C5orf46: variants seen among roughly 807,000 people sequenced by gnomAD.
C5orf46 encodes uncharacterized protein C5orf46.
Under a neutral mutation model 8.9 loss-of-function variants are expected in C5orf46, and 9 were observed. That is an observed-to-expected ratio of 1.01 (90% CI 0.61 to 1.76). The LOEUF is 1.76. Among genes scored for constraint, C5orf46 ranks in the 40% most tolerant of loss-of-function variants. The pLI, the probability that C5orf46 is intolerant of heterozygous loss-of-function variation, is 0.00. For synonymous variants in C5orf46, 47 were observed against 41.4 expected, an observed-to-expected ratio of 1.14 and a Z score of -0.52; for missense variants, 98 against 107.8, an observed-to-expected ratio of 0.91 and a Z score of 0.40.
chr5:147,896,161 A>G (rs1757576973), intron 3 of C5orf46, among the ~76,000 whole-genome samples: 1 of 152,168 alleles, frequency 6.6e-6, no homozygotes, highest in South Asian at 2.1e-4. Flanking sequence ...CTCCTATACT[A>G]TTCTGCTCTG....
downstream of C5orf46, among the ~76,000 whole-genome samples, chr5:147,892,309 C>T (rs79779381): frequency 9.8e-3 from 1,498 of 152,288 alleles, 12 homozygotes; most frequent in Non-Finnish European, 0.014. Context: ...CCATCCCTGA[C>T]ACTGCTATTT....
downstream of C5orf46, among the ~76,000 whole-genome samples, chr5:147,891,271 C>G (rs185917916): frequency 6.5e-3 from 994 of 152,162 alleles, 5 homozygotes; most frequent in Non-Finnish European, 0.011. Flanking sequence ...GAAAGAGTCC[C>G]AAAAGAAAAA....
intron 1 of C5orf46, 53 bp downstream of exon 1, chr5:147,906,379 C>G (rs1467038954): frequency 1.6e-6 from 2 of 1,227,736 alleles, no homozygotes; most frequent in Non-Finnish European, 2.3e-6. Flanking sequence ...TCAGCTTTCT[C>G]TAGTCACTGC....
downstream of C5orf46, among the ~76,000 whole-genome samples, chr5:147,887,944 GCA>G (rs1416769015): frequency 1.3e-5 from 2 of 152,164 alleles, no homozygotes; most frequent in African/African-American, 4.8e-5. Flanking sequence ...GGCAGCAGGA[GCA>G]CAGGGACACA....
chr5:147,901,510 A>G, intron 2 of C5orf46, 119 bp downstream of exon 2: 1 of 871,858 alleles, frequency 1.1e-6, no homozygotes, highest in Non-Finnish European at 1.7e-6. Flanking sequence ...TCAATGAAAA[A>G]TAACACATTT....
At chr5:147,905,835 A>G (rs766789988) in intron 1 of C5orf46, among the ~76,000 whole-genome samples, 1 of 152,238 alleles carries the variant, frequency 6.6e-6, no homozygotes, top group Non-Finnish European at 1.5e-5. Flanking sequence ...ATAAAACTGT[A>G]CATGTTTACA....
chr5:147,889,852 A>G (rs1400628981), downstream of C5orf46, among the ~76,000 whole-genome samples: 3 of 152,166 alleles, frequency 2.0e-5, no homozygotes, highest in Non-Finnish European at 2.9e-5. Context: ...ATGAGGTAGC[A>G]TTTATGCAGG....
At chr5:147,889,478 T>C (rs1222808569), downstream of C5orf46, among the ~76,000 whole-genome samples, 1 of 152,180 alleles carries the variant, frequency 6.6e-6, no homozygotes, top group Non-Finnish European at 1.5e-5. Context: ...TATGCCACTT[T>C]AATAATTTTT....
chr5:147,899,950 A>G (rs1757641653), intron 2 of C5orf46, among the ~76,000 whole-genome samples: 1 of 152,206 alleles, frequency 6.6e-6, no homozygotes, highest in Non-Finnish European at 1.5e-5. Flanking sequence ...GCCATTTCTG[A>G]GCCTAGAGCG....
At chr5:147,892,333 G>A (rs1341212918), downstream of C5orf46, among the ~76,000 whole-genome samples, 2 of 152,204 alleles carry the variant, frequency 1.3e-5, no homozygotes, top group African/African-American at 4.8e-5. Flanking sequence ...GAGAAAAATA[G>A]TGACTCTGTG....
chr5:147,900,256 A>T (rs903433753), intron 2 of C5orf46, among the ~76,000 whole-genome samples: 1 of 151,978 alleles, frequency 6.6e-6, no homozygotes, highest in Non-Finnish European at 1.5e-5. Flanking sequence ...TGTAACAATT[A>T]AAAAAAAGCA....
chr5:147,890,253 A>T (rs1018555507), downstream of C5orf46, among the ~76,000 whole-genome samples: 2 of 152,166 alleles, frequency 1.3e-5, no homozygotes, highest in African/African-American at 4.8e-5. Flanking sequence ...GAGATATTCA[A>T]CTGTGTACCC....
rs568227999 is a variant in C5orf46, at chr5:147,895,079, A to G, written c.*9+1905T>C. On this transcript the variant is annotated intron_variant, in intron 3 of 3. Coordinates refer to ENST00000318315, the MANE Select transcript of C5orf46 (RefSeq NM_206966.3). ...CTCTGTCTCAAAAAAAAAAAAATCA[A>G]TGTTAATAAGAGAAACATAAGATCT... 2.0e-5 allele frequency among the ~76,000 whole-genome samples: 3 copies of G among 152,046 alleles called. No homozygotes were observed. In the South Asian group the frequency reaches 6.2e-4, roughly 32 times the overall value.
downstream of C5orf46, among the ~76,000 whole-genome samples, chr5:147,890,508 A>G (rs1290173428): frequency 6.6e-6 from 1 of 152,200 alleles, no homozygotes; most frequent in African/African-American, 2.4e-5. Context: ...GACATATATT[A>G]AAAAATATAT....
At position 147,897,036 on chromosome 5, in the gene C5orf46, A is replaced by C; in HGVS notation, c.221T>G (p.Phe74Cys). ...ILRSMSRSTG[F>C]MEFDDNEGKH... ...TCCTTCATTATCATCAAATTCCATA[A>C]ATCCTCTTGAGAAAAAAAGAGAAAA... Residue 74 changes from phenylalanine to cysteine, a missense_variant, in exon 3 of 4, where the codon TTT becomes TGT. Phe to Cys is a radical substitution (Grantham distance 205, BLOSUM62 -2). Transcript: ENST00000318315. The C allele has an allele frequency of 6.8e-7, 1 of 1,472,976 alleles. No individual in the cohort carries two copies. Among genetic ancestry groups the C allele is most frequent in the East Asian group, 2.4e-5 (1 of 42,176 alleles). The allele number at this position is 1,472,976 out of a possible 1,614,324, so 91.2% of individuals were successfully genotyped here.
At chr5:147,888,895 T>C (rs941712125), downstream of C5orf46, among the ~76,000 whole-genome samples, 1 of 152,184 alleles carries the variant, frequency 6.6e-6, no homozygotes, top group Non-Finnish European at 1.5e-5. Context: ...ACATCAGTTA[T>C]AAGTTTAGAA....
intron 1 of C5orf46, among the ~76,000 whole-genome samples, chr5:147,906,153 C>T (rs1419307906): frequency 6.6e-6 from 1 of 152,092 alleles, no homozygotes; most frequent in Non-Finnish European, 1.5e-5. Flanking sequence ...AAATGCCAGT[C>T]AGCTCCCATG....
chr5:147,887,230 C>T (rs996284612), intron 2 of C5orf46: 1 of 152,040 alleles, frequency 6.6e-6, no homozygotes, highest in African/African-American at 2.4e-5. Context: ...CAGCAGAGGG[C>T]GCTCATTATT....
intron 2 of C5orf46, among the ~76,000 whole-genome samples, chr5:147,899,023 T>A (rs1054131326): frequency 2.0e-5 from 3 of 152,160 alleles, no homozygotes; most frequent in African/African-American, 7.2e-5. Context: ...GTTATTCCTC[T>A]CATTCTCTCT....
Sources: allele counts gnomAD v4.1 joint callset (sites outside exome capture counted in the v4.1 genomes callset), GRCh38; gene constraint gnomAD v4.1.1; transcripts MANE v1.5; gene names NCBI Gene and HGNC (gene_info 2026-07-23, HGNC 2026-07-21).